NEMP1: variants seen among roughly 807,000 people sequenced by gnomAD.
The protein encoded by NEMP1 is transmembrane protein 194.
Under a neutral mutation model 53.7 loss-of-function variants are expected in NEMP1, and 29 were observed. That is an observed-to-expected ratio of 0.54 (90% CI 0.40 to 0.74). The LOEUF (loss-of-function observed/expected upper bound fraction) is 0.74. Ranked by LOEUF, NEMP1 falls within the 30% of genes least tolerant of loss-of-function variation. The probability of loss-of-function intolerance (pLI) is 0.00; values close to 1 mark genes in which losing one functional copy is unlikely to be tolerated. For missense variants in NEMP1, 477 were observed against 528.6 expected (o/e 0.90, Z 0.96); for synonymous variants, 193 against 192.9 (o/e 1.00, Z 0.00).
At chr12:57,083,954 C>CTGTTT (rs71446598) in intron 1 of NEMP1, among the ~76,000 whole-genome samples, 10,207 of 144,378 alleles carry the variant, frequency 0.071, 407 homozygotes, top group Middle Eastern at 0.15. Context: ...TTGTTTTCTT[C>CTGTTT]TGTTTTGTTT....
chr12:57,082,270 C>T (rs2136527916), upstream of NEMP1, among the ~76,000 whole-genome samples: 1 of 152,242 alleles, frequency 6.6e-6, no homozygotes, highest in South Asian at 2.1e-4. Flanking sequence ...AAACTGTAGA[C>T]TTTAGTTAAT....
chr12:57,064,524 A>C, intron 5 of NEMP1, 122 bp downstream of exon 5: 1 of 640,382 alleles, frequency 1.6e-6, no homozygotes, highest in South Asian at 2.5e-5. Context: ...TGAATCAAGG[A>C]GAGTAGGATA....
chr12:57,078,077 T>C (rs371076747), intron 1 of NEMP1, among the ~76,000 whole-genome samples: 2 of 152,132 alleles, frequency 1.3e-5, no homozygotes, highest in East Asian at 1.9e-4. Context: ...CTAGACTCCA[T>C]CTCGCGGGCC....
chr12:57,083,490 G>A (rs553442245), upstream of NEMP1, among the ~76,000 whole-genome samples: 10 of 152,274 alleles, frequency 6.6e-5, no homozygotes, highest in Non-Finnish European at 1.5e-4. Flanking sequence ...GAGTAAATGG[G>A]GTGGGAAATC....
intron 8 of NEMP1, among the ~76,000 whole-genome samples, chr12:57,060,358 G>A (rs779697192): frequency 9.2e-5 from 14 of 152,182 alleles, no homozygotes; most frequent in Non-Finnish European, 1.8e-4. Context: ...ATCCTGATAA[G>A]AGAAGATTAA....
At chr12:57,063,374 T>C in intron 6 of NEMP1, 30 bp from the exon 7 acceptor site, 1 of 1,572,510 alleles carries the variant, frequency 6.4e-7, no homozygotes, top group Non-Finnish European at 8.7e-7. Flanking sequence ...AAGACATTCT[T>C]TTTCATCTAT....
intron 1 of NEMP1, among the ~76,000 whole-genome samples, chr12:57,084,155 G>A (rs2032927732): frequency 6.6e-6 from 1 of 152,186 alleles, no homozygotes; most frequent in African/African-American, 2.4e-5. Context: ...TAGAGACGGG[G>A]TTTCGCTATG....
At chr12:57,082,480 G>A (rs1200756958), upstream of NEMP1, among the ~76,000 whole-genome samples, 10 of 152,246 alleles carry the variant, frequency 6.6e-5, no homozygotes, top group South Asian at 4.2e-4. Flanking sequence ...TTAGGAGACC[G>A]GGTCTGAGGA....
At chr12:57,087,915 A>T (rs957271195) in intron 1 of NEMP1, 1 of 151,818 alleles carries the variant, frequency 6.6e-6, no homozygotes, top group Non-Finnish European at 1.5e-5. Flanking sequence ...CTCCCCCAAC[A>T]GCCCTCCCAG....
chr12:57,065,761 A>T (rs2032041692), intron 4 of NEMP1, among the ~76,000 whole-genome samples: 1 of 151,706 alleles, frequency 6.6e-6, no homozygotes, highest in Non-Finnish European at 1.5e-5. Context: ...TCAGCCTCCC[A>T]AAGTGCTGGG....
At chr12:57,063,962 A>C (rs2031945465) in intron 6 of NEMP1, 109 bp downstream of exon 6, 1 of 628,176 alleles carries the variant, frequency 1.6e-6, no homozygotes, top group Admixed American at 3.6e-5. Flanking sequence ...AAGTTTAAAA[A>C]AATGACATGA....
chr12:57,077,304 C>A (rs554031764), intron 1 of NEMP1, among the ~76,000 whole-genome samples: 45 of 150,822 alleles, frequency 3.0e-4, no homozygotes, highest in Non-Finnish European at 5.8e-4. Context: ...TGCACTCCAG[C>A]CTGCGCGAAA....
chr12:57,073,652 TAAA>T (rs1383961351), intron 1 of NEMP1, among the ~76,000 whole-genome samples: 1 of 151,914 alleles, frequency 6.6e-6, no homozygotes, highest in Non-Finnish European at 1.5e-5. Context: ...CTCAAAAAAA[TAAA>T]AAATAAATAC....
At position 57,060,052 on chromosome 12, in the gene NEMP1, C is replaced by T; in HGVS notation, c.1162G>A (p.Asp388Asn). The T allele has an allele frequency of 6.2e-7, 1 of 1,613,654 alleles. No individual in the cohort carries two copies. The change falls in exon 9 of 9, where the codon GAC (aspartate) becomes AAC (asparagine). Residue 388 changes from aspartate to asparagine, a missense_variant. Coordinates refer to ENST00000300128, the MANE Select transcript of NEMP1 (RefSeq NM_001130963.2). Reference protein sequence around the residue: ...SRIQSPKRFADFVEGSSHLTP... With the variant: ...SRIQSPKRFANFVEGSSHLTP... Reference sequence around the variant, plus strand: ...AGGTGGGAAGAGCCTTCCACAAAGTCAGCAAATCTGGAAAAGAGAAGATAA... The same window carrying T: ...AGGTGGGAAGAGCCTTCCACAAAGTTAGCAAATCTGGAAAAGAGAAGATAA...
At chr12:57,068,495 C>T (rs548410252) in intron 4 of NEMP1, among the ~76,000 whole-genome samples, 17 of 152,210 alleles carry the variant, frequency 1.1e-4, no homozygotes, top group African/African-American at 3.4e-4. Context: ...GGATCACAGG[C>T]ACATACCACC....
At chr12:57,063,701 G>A (rs779396009) in intron 6 of NEMP1, among the ~76,000 whole-genome samples, 1 of 152,142 alleles carries the variant, frequency 6.6e-6, no homozygotes, top group East Asian at 1.9e-4. Context: ...ATCTACAGCA[G>A]TTCATTCAGA....
chr12:57,058,507 G>C lies in NEMP1; in HGVS notation c.*1372C>G, dbSNP rs552255361. On this transcript the variant is annotated 3_prime_UTR_variant, in exon 9 of 9. Transcript: ENST00000300128. Reference sequence around the variant, plus strand: ...GTAAATGACAGACACTTGAGAATTTGCTTCCTCACAGATGACATTGCTGGT... The same window carrying C: ...GTAAATGACAGACACTTGAGAATTTCCTTCCTCACAGATGACATTGCTGGT... The C allele has an allele frequency of 6.6e-6, 1 of 152,348 alleles. No homozygotes were observed. Among genetic ancestry groups the C allele is most frequent in the Admixed American group, 6.5e-5 (1 of 15,304 alleles). The allele number at this position is 152,348 out of a possible 1,614,324, so 9.4% of individuals were successfully genotyped here. A position where few individuals can be genotyped will look rare whatever the true frequency, so the allele number is the denominator to read the frequency against.
At chr12:57,070,386 T>C (rs1339568824) in intron 3 of NEMP1, among the ~76,000 whole-genome samples, 1 of 152,256 alleles carries the variant, frequency 6.6e-6, no homozygotes, top group African/African-American at 2.4e-5. Context: ...TTGGCATATA[T>C]GCTCAGGGAC....
chr12:57,072,995 A>C, intron 1 of NEMP1, 83 bp from the exon 2 acceptor site: 1 of 1,296,052 alleles, frequency 7.7e-7, no homozygotes, highest in Non-Finnish European at 1.0e-6. Flanking sequence ...TAAACTAACC[A>C]TTTTCCTAAA....
Sources: allele counts gnomAD v4.1 joint callset (sites outside exome capture counted in the v4.1 genomes callset), GRCh38; gene constraint gnomAD v4.1.1; transcripts MANE v1.5; gene names NCBI Gene and HGNC (gene_info 2026-07-23, HGNC 2026-07-21).